The following KCNT2 variants were observed in gnomAD, a reference collection of about 807,000 sequenced individuals.
KCNT2 encodes the protein potassium channel subfamily T member 2.
KCNT2 carries 67 observed loss-of-function variants against 153.8 expected under a neutral mutation model. The ratio of observed to expected loss-of-function variants is 0.44; its 90% confidence interval spans 0.36 to 0.53. The LOEUF (loss-of-function observed/expected upper bound fraction) is 0.53. Ranked by LOEUF, KCNT2 falls within the 20% of genes least tolerant of loss-of-function variation. KCNT2 has a pLI of 0.00. For missense variants in KCNT2, 975 were observed against 1,354.8 expected (o/e 0.72, Z 4.40); for synonymous variants, 500 against 458.8 (o/e 1.09, Z -1.15).
At chr1:196,334,173 G>C in intron 16 of KCNT2, 113 bp from the exon 17 acceptor site, 2 of 640,350 alleles carry the variant, frequency 3.1e-6, no homozygotes, top group African/African-American at 1.8e-5. Flanking sequence ...TATATAGAGA[G>C]AGTATATATT....
intron 1 of KCNT2, among the ~76,000 whole-genome samples, chr1:196,600,555 G>C (rs1664610147): frequency 6.6e-6 from 1 of 152,162 alleles, no homozygotes. Context: ...GGTTGACGAA[G>C]TAAAACATGG....
At chr1:196,560,433 T>G (rs1659225819) in intron 1 of KCNT2, among the ~76,000 whole-genome samples, 1 of 151,974 alleles carries the variant, frequency 6.6e-6, no homozygotes, top group Admixed American at 6.6e-5. Flanking sequence ...TTAATTTACT[T>G]TTTAAAAATT....
intron 14 of KCNT2, among the ~76,000 whole-genome samples, chr1:196,351,458 T>C (rs1050821738): frequency 1.3e-5 from 2 of 151,812 alleles, no homozygotes; most frequent in Non-Finnish European, 2.9e-5. Context: ...TTTGTTCTCT[T>C]TGAAGCAATT....
chr1:196,545,279 T>C (rs1656928584), intron 1 of KCNT2, among the ~76,000 whole-genome samples: 1 of 152,058 alleles, frequency 6.6e-6, no homozygotes, highest in South Asian at 2.1e-4. Flanking sequence ...TATAACATAA[T>C]TATAAAATTA....
intron 12 of KCNT2, among the ~76,000 whole-genome samples, chr1:196,419,293 AT>A: frequency 6.8e-6 from 1 of 146,034 alleles, no homozygotes; most frequent in Non-Finnish European, 1.5e-5. Flanking sequence ...ATCATTTAGC[AT>A]TAGGTATATC....
At chr1:196,331,100 A>C in intron 18 of KCNT2, 56 bp downstream of exon 18, 2 of 917,226 alleles carry the variant, frequency 2.2e-6, no homozygotes, top group South Asian at 2.7e-5. Flanking sequence ...AAATTATGTA[A>C]CTATAAAATG....
At chr1:196,567,043 T>C (rs780822749) in intron 1 of KCNT2, among the ~76,000 whole-genome samples, 2 of 152,120 alleles carry the variant, frequency 1.3e-5, no homozygotes, top group Non-Finnish European at 2.9e-5. Context: ...AAGAATCATA[T>C]GACATCAGTT....
intron 1 of KCNT2, among the ~76,000 whole-genome samples, chr1:196,568,417 C>A (rs987478452): frequency 1.3e-5 from 2 of 151,790 alleles, no homozygotes; most frequent in Non-Finnish European, 2.9e-5. Flanking sequence ...CACGGTGAAA[C>A]CCCGTCTCTA....
intron 22 of KCNT2, among the ~76,000 whole-genome samples, chr1:196,300,947 C>T (rs918168345): frequency 6.6e-6 from 1 of 152,106 alleles, no homozygotes; most frequent in African/African-American, 2.4e-5. Context: ...CCTACAACCT[C>T]CTGTCAGTCC....
Position 196,334,067 on chromosome 1 carries a change from C to A in KCNT2, c.1784-7G>T. The A allele has an allele frequency of 6.2e-7, 1 of 1,602,892 alleles. No homozygotes were observed. The highest frequency in any genetic ancestry group is 8.5e-7 in the Non-Finnish European group (1 of 1,170,888). ...AAGTCTATAGCCACAGTACCTAAAA[C>A]AATAAAACATGAAAATTTATCAAGG... On this transcript the variant is annotated splice_polypyrimidine_tract_variant and splice_region_variant and intron_variant, in intron 16 of 27. Transcript: ENST00000294725.
chr1:196,519,463 G>C (rs1213960409), intron 1 of KCNT2, among the ~76,000 whole-genome samples: 1 of 151,996 alleles, frequency 6.6e-6, no homozygotes, highest in African/African-American at 2.4e-5. Flanking sequence ...AACTGAAAGA[G>C]ATTGAGACAA....
At chr1:196,593,430 A>G (rs749596152) in intron 1 of KCNT2, among the ~76,000 whole-genome samples, 4 of 151,254 alleles carry the variant, frequency 2.6e-5, no homozygotes, top group Non-Finnish European at 5.9e-5. Flanking sequence ...AATTTTTTCA[A>G]TTGTGAATTG....
intron 12 of KCNT2, chr1:196,404,125 C>T: frequency 1.0e-6 from 1 of 976,862 alleles, no homozygotes; most frequent in East Asian, 1.1e-4. Context: ...TTCTCTGTCT[C>T]ACTTACCTTG....
At chr1:196,380,806 T>G (rs1669415873) in intron 13 of KCNT2, among the ~76,000 whole-genome samples, 1 of 152,224 alleles carries the variant, frequency 6.6e-6, no homozygotes, top group Non-Finnish European at 1.5e-5. Flanking sequence ...AAATTGTATC[T>G]TTTTCTTATA....
rs187188234 is a variant in KCNT2 at position 196,226,185 on chromosome 1, C to T, written c.*2039G>A. 40 of 151,940 alleles carry T rather than the reference C, an allele frequency of 2.6e-4. No homozygotes were observed. The highest frequency in any genetic ancestry group is 8.5e-4 in the Admixed American group (13 of 15,272). The allele number at this position is 151,940 out of a possible 1,614,324, so 9.4% of individuals were successfully genotyped here. ...CAACAACTGTCATAATGCAAAAATA[C>T]CAAACTTCAGATCTTGTGGGGAAAT... On this transcript the variant is annotated 3_prime_UTR_variant, in exon 28 of 28. Coordinates refer to ENST00000294725, the MANE Select transcript of KCNT2 (RefSeq NM_198503.5).
intron 1 of KCNT2, among the ~76,000 whole-genome samples, chr1:196,499,334 T>C (rs1223367164): frequency 6.6e-6 from 1 of 152,242 alleles, no homozygotes; most frequent in Non-Finnish European, 1.5e-5. Flanking sequence ...TTTTCTATAA[T>C]GGTGACAACA....
At chr1:196,442,124 GA>G (rs1675288094) in intron 8 of KCNT2, among the ~76,000 whole-genome samples, 1 of 151,684 alleles carries the variant, frequency 6.6e-6, no homozygotes, top group South Asian at 2.1e-4. Flanking sequence ...CGCTTATTGG[GA>G]AAAAGAACAG....
intron 8 of KCNT2, among the ~76,000 whole-genome samples, chr1:196,456,107 T>A (rs372795298): frequency 1.3e-5 from 2 of 152,032 alleles, no homozygotes; most frequent in East Asian, 3.9e-4. Context: ...TGCTTCCTTC[T>A]TGGCACTTTT....
At chr1:196,439,027 T>C (rs1674981976) in intron 8 of KCNT2, among the ~76,000 whole-genome samples, 2 of 151,876 alleles carry the variant, frequency 1.3e-5, no homozygotes, top group African/African-American at 2.4e-5. Context: ...TTATGCACTT[T>C]AGGAAGCAGA....
Sources: allele counts gnomAD v4.1 joint callset (sites outside exome capture counted in the v4.1 genomes callset), GRCh38; gene constraint gnomAD v4.1.1; transcripts MANE v1.5; gene names NCBI Gene and HGNC (gene_info 2026-07-23, HGNC 2026-07-21).